VPS45: variants seen among roughly 807,000 people sequenced by gnomAD.
The protein encoded by VPS45 is vacuolar protein sorting-associated protein 45.
A neutral mutation model predicts 75.9 loss-of-function variants in VPS45; 35 were observed. The observed-to-expected ratio is 0.46, with a 90% CI of 0.35 to 0.61. The LOEUF (loss-of-function observed/expected upper bound fraction) is 0.61, where lower values mean the gene tolerates loss of function less well. Ranked by LOEUF, VPS45 falls within the 20% of genes least tolerant of loss-of-function variation. The probability of loss-of-function intolerance (pLI) is 0.00; values close to 1 mark genes in which losing one functional copy is unlikely to be tolerated. For missense variants in VPS45, 559 were observed against 685.9 expected (o/e 0.81, Z 2.07); for synonymous variants, 220 against 238.2 (o/e 0.92, Z 0.70).
intron 13 of VPS45, among the ~76,000 whole-genome samples, chr1:150,102,376 C>T (rs1189496919): frequency 1.3e-5 from 2 of 151,930 alleles, no homozygotes; most frequent in Non-Finnish European, 2.9e-5. Flanking sequence ...ATAATGAAAC[C>T]TCATCTCTAC....
At chr1:150,105,083 G>A (rs1040234726) in intron 13 of VPS45, among the ~76,000 whole-genome samples, 2 of 152,002 alleles carry the variant, frequency 1.3e-5, no homozygotes, top group African/African-American at 2.4e-5. Flanking sequence ...CCTTTTCTCC[G>A]CATCCATGCC....
At chr1:150,102,104 G>A (rs587685329) in intron 13 of VPS45, among the ~76,000 whole-genome samples, 10 of 149,500 alleles carry the variant, frequency 6.7e-5, no homozygotes, top group Non-Finnish European at 1.5e-4. Context: ...CAGGCATGGT[G>A]GCAGGTGCCT....
chr1:150,141,364 A>C (rs1478526705), intron 14 of VPS45, among the ~76,000 whole-genome samples: 1 of 152,232 alleles, frequency 6.6e-6, no homozygotes. Flanking sequence ...TATAGTGAAA[A>C]AGGAGGAAGA....
At chr1:150,100,901 A>G (rs1175532839) in intron 13 of VPS45, among the ~76,000 whole-genome samples, 2 of 152,238 alleles carry the variant, frequency 1.3e-5, no homozygotes, top group Non-Finnish European at 2.9e-5. Context: ...AGGTAATACC[A>G]TTCTGGACCT....
intron 13 of VPS45, chr1:150,109,564 G>T (rs1657525357): frequency 6.6e-6 from 1 of 152,022 alleles, no homozygotes; most frequent in Non-Finnish European, 1.5e-5. Context: ...AGATGTTTCT[G>T]GTTAGTTTTG....
chr1:150,098,638 G>A (rs1480277941), intron 13 of VPS45, among the ~76,000 whole-genome samples: 1 of 152,088 alleles, frequency 6.6e-6, no homozygotes, highest in Non-Finnish European at 1.5e-5. Context: ...TTTTATTGTT[G>A]CTATAATAAT....
intron 14 of VPS45, among the ~76,000 whole-genome samples, chr1:150,140,997 G>A (rs1171297408): frequency 1.3e-5 from 2 of 152,184 alleles, no homozygotes; most frequent in African/African-American, 4.8e-5. Flanking sequence ...AATAGCAGGT[G>A]CAAAAGCAAA....
At chr1:150,075,431 G>C (rs1296970005) in intron 3 of VPS45, among the ~76,000 whole-genome samples, 1 of 152,106 alleles carries the variant, frequency 6.6e-6, no homozygotes, top group Non-Finnish European at 1.5e-5. Context: ...ATTAGGTTAA[G>C]ATTTGATTTC....
chr1:150,092,837 CTT>C (rs11451750), intron 12 of VPS45, among the ~76,000 whole-genome samples: 1 of 94,428 alleles, frequency 1.1e-5, no homozygotes, highest in South Asian at 3.6e-4. Context: ...GCTAGCCTTT[CTT>C]TTTTTTTTTT....
chr1:150,109,410 G>A (rs1192295251), intron 13 of VPS45: 1 of 152,118 alleles, frequency 6.6e-6, no homozygotes, highest in Non-Finnish European at 1.5e-5. Flanking sequence ...TTCTGTTTCA[G>A]TGAAGTCCCA....
At chr1:150,122,823 G>A (rs1373062809) in intron 14 of VPS45, among the ~76,000 whole-genome samples, 2 of 151,460 alleles carry the variant, frequency 1.3e-5, no homozygotes, top group African/African-American at 4.9e-5. Context: ...ACATGGTGAA[G>A]CCCCATTTGT....
intron 8 of VPS45, 41 bp from the exon 9 acceptor site, chr1:150,081,843 G>A (rs782391099): frequency 8.1e-7 from 1 of 1,237,490 alleles, no homozygotes; most frequent in South Asian, 1.3e-5. Context: ...CTGAAAGTCA[G>A]ACTAGTTGAT....
At chr1:150,078,605 C>CA (rs1655525127) in intron 7 of VPS45, among the ~76,000 whole-genome samples, 1 of 151,348 alleles carries the variant, frequency 6.6e-6, no homozygotes, top group South Asian at 2.1e-4. Context: ...ACTAAAACTA[C>CA]AAAAAAATTA....
rs587742766 is a variant in VPS45, at chr1:150,087,535, C to T, written c.1105-4402C>T. 2.0e-5 allele frequency among the ~76,000 whole-genome samples: 3 copies of T among 152,262 alleles called. No individual in the cohort carries two copies. In the South Asian group the frequency reaches 6.2e-4, roughly 31 times the overall value. ...AGCCTCTCTGATTCTTTTTTCTCCT[C>T]TTCTCTGGTTAGTGCCCTGAAATCT... is the stretch of plus-strand genomic sequence containing the variant. On this transcript the variant is annotated intron_variant, in intron 10 of 14. Coordinates refer to ENST00000644510, the MANE Select transcript of VPS45 (RefSeq NM_007259.5).
At chr1:150,116,190 G>A (rs953969736) in intron 14 of VPS45, among the ~76,000 whole-genome samples, 1 of 152,152 alleles carries the variant, frequency 6.6e-6, no homozygotes, top group Non-Finnish European at 1.5e-5. Flanking sequence ...TTGAACATCA[G>A]TAGATGATAT....
intron 14 of VPS45, among the ~76,000 whole-genome samples, chr1:150,124,812 T>C (rs1441680285): frequency 6.6e-6 from 1 of 151,574 alleles, no homozygotes; most frequent in Non-Finnish European, 1.5e-5. Flanking sequence ...GCCTGCCTTG[T>C]CCTCCCAAAG....
chr1:150,070,204 T>C (rs1364459388), intron 2 of VPS45, among the ~76,000 whole-genome samples: 2 of 152,170 alleles, frequency 1.3e-5, no homozygotes, highest in Non-Finnish European at 2.9e-5. Context: ...TTTGAACTTT[T>C]ATATGGTTTA....
intron 14 of VPS45, among the ~76,000 whole-genome samples, chr1:150,111,854 G>A (rs377080368): frequency 8.5e-5 from 13 of 152,154 alleles, no homozygotes; most frequent in Admixed American, 4.6e-4. Context: ...CTGTATAGAC[G>A]TTTGTATGAG....
At chr1:150,143,763 G>A (rs1659533105) in intron 14 of VPS45, among the ~76,000 whole-genome samples, 2 of 152,158 alleles carry the variant, frequency 1.3e-5, no homozygotes, top group Non-Finnish European at 2.9e-5. Context: ...AAGCAGTATT[G>A]CAAGATGCTG....
Sources: allele counts gnomAD v4.1 joint callset (sites outside exome capture counted in the v4.1 genomes callset), GRCh38; gene constraint gnomAD v4.1.1; transcripts MANE v1.5; gene names NCBI Gene and HGNC (gene_info 2026-07-23, HGNC 2026-07-21).